The following STAMBP variants were observed in gnomAD, a reference collection of about 807,000 sequenced individuals.
The protein encoded by STAMBP is STAM binding protein.
Under a neutral mutation model 50.7 loss-of-function variants are expected in STAMBP, and 31 were observed. The observed-to-expected ratio is 0.61, with a 90% confidence interval of 0.46 to 0.83. STAMBP has a LOEUF of 0.83. STAMBP is among the 40% of genes least tolerant of loss of function. The probability of loss-of-function intolerance (pLI) is 0.00; values close to 1 mark genes in which losing one functional copy is unlikely to be tolerated. For missense variants in STAMBP, 472 were observed against 518.9 expected, an observed-to-expected ratio of 0.91 and a Z score of 0.88; for synonymous variants, 211 against 192.4, an observed-to-expected ratio of 1.10 and a Z score of -0.80.
chr2:73,845,119 G>A, intron 3 of STAMBP, 48 bp from the exon 4 acceptor site: 1 of 1,599,196 alleles, frequency 6.3e-7, no homozygotes, highest in Non-Finnish European at 8.5e-7. Context: ...TTTGGATTCT[G>A]TAATTTTCTG....
At chr2:73,845,055 T>G (rs1573312415) in intron 3 of STAMBP, 112 bp from the exon 4 acceptor site, 2 of 1,544,068 alleles carry the variant, frequency 1.3e-6, no homozygotes, top group East Asian at 2.3e-5. Context: ...CAGTAGGGGG[T>G]ATTTTAAATC....
At chr2:73,843,188 TTTC>T (rs1675627195) in intron 2 of STAMBP, among the ~76,000 whole-genome samples, 1 of 123,348 alleles carries the variant, frequency 8.1e-6, no homozygotes, top group African/African-American at 4.2e-5. Flanking sequence ...GTTTTATATC[TTTC>T]TTTTTTTTTT....
chr2:73,867,976 TA>T (rs1419546669), downstream of STAMBP, among the ~76,000 whole-genome samples: 1 of 151,764 alleles, frequency 6.6e-6, no homozygotes, highest in East Asian at 1.9e-4. Flanking sequence ...AATACAAAAT[TA>T]GCCGGCTGTG....
intron 9 of STAMBP, among the ~76,000 whole-genome samples, chr2:73,861,620 A>G (rs1678331350): frequency 6.6e-6 from 1 of 151,668 alleles, no homozygotes; most frequent in South Asian, 2.1e-4. Flanking sequence ...CCAGGTTCAA[A>G]CAATTCTGCT....
At chr2:73,857,785 G>A (rs1677746880) in intron 7 of STAMBP, among the ~76,000 whole-genome samples, 1 of 152,046 alleles carries the variant, frequency 6.6e-6, no homozygotes, top group Admixed American at 6.6e-5. Context: ...AACTGAAGTG[G>A]AATCTCCCCC....
At chr2:73,869,283 A>G (rs1383727291), downstream of STAMBP, among the ~76,000 whole-genome samples, 2 of 152,266 alleles carry the variant, frequency 1.3e-5, no homozygotes, top group Admixed American at 6.5e-5. Flanking sequence ...GCACATAGCA[A>G]CTAAAAATAT....
chr2:73,852,901 T>G (rs2104581640), intron 7 of STAMBP, among the ~76,000 whole-genome samples: 1 of 140,704 alleles, frequency 7.1e-6, no homozygotes, highest in East Asian at 2.2e-4. Context: ...TAGACTGGGT[T>G]TCACTATGTT....
chr2:73,870,109 AT>A (rs1679143433), downstream of STAMBP: 1 of 152,206 alleles, frequency 6.6e-6, no homozygotes, highest in African/African-American at 2.4e-5. Context: ...TGCTTTTATA[AT>A]TGGACAAAAA....
intron 2 of STAMBP, among the ~76,000 whole-genome samples, chr2:73,840,789 A>T (rs1675297904): frequency 6.6e-6 from 1 of 151,974 alleles, no homozygotes; most frequent in Non-Finnish European, 1.5e-5. Flanking sequence ...AATAGTACAA[A>T]TTAAAAATAA....
intron 9 of STAMBP, 86 bp from the exon 10 acceptor site, chr2:73,862,117 A>G (rs1288114632): frequency 2.9e-5 from 35 of 1,212,398 alleles, no homozygotes; most frequent in African/African-American, 6.3e-5. Context: ...AGCCTGGGCA[A>G]CAGAGCAAGA....
intron 5 of STAMBP, among the ~76,000 whole-genome samples, chr2:73,848,688 T>G (rs1021856368): frequency 6.6e-6 from 1 of 152,186 alleles, no homozygotes; most frequent in African/African-American, 2.4e-5. Flanking sequence ...CAAACAAAGA[T>G]CCCTCATAGC....
chr2:73,859,923 AC>A, intron 8 of STAMBP, 128 bp from the exon 9 acceptor site: 1 of 633,128 alleles, frequency 1.6e-6, no homozygotes, highest in Admixed American at 2.6e-5. Flanking sequence ...GCAGCATCCT[AC>A]AGAAGCTGTC....
At chr2:73,869,566 GAAAA>G (rs1292730392), downstream of STAMBP, among the ~76,000 whole-genome samples, 1 of 151,874 alleles carries the variant, frequency 6.6e-6, no homozygotes, top group Non-Finnish European at 1.5e-5. Context: ...AAAATTGAAA[GAAAA>G]AAAGAATTTT....
At chr2:73,843,136 A>G (rs183188776) in intron 2 of STAMBP, among the ~76,000 whole-genome samples, 32 of 151,662 alleles carry the variant, frequency 2.1e-4, no homozygotes, top group African/African-American at 7.7e-4. Context: ...GGTTTGAACA[A>G]ATGAATCTGT....
chr2:73,830,303 T>A (rs937834126), intron 1 of STAMBP, among the ~76,000 whole-genome samples: 3 of 152,176 alleles, frequency 2.0e-5, no homozygotes, highest in Non-Finnish European at 4.4e-5. Flanking sequence ...CCAGACCAGT[T>A]CCCCTAACTC....
chr2:73,860,085 A>C lies in STAMBP; in HGVS notation c.1152A>C (p.Leu384=). 1 of 1,612,486 alleles carries C rather than the reference A, an allele frequency of 6.2e-7. No homozygotes were observed. Among genetic ancestry groups the C allele is most frequent in the Non-Finnish European group, 8.5e-7 (1 of 1,179,956 alleles). The change falls in exon 9 of 10, where the codon CTA becomes CTC. Residue 384 remains leucine, a synonymous_variant. Coordinates refer to ENST00000394070, the MANE Select transcript of STAMBP (RefSeq NM_213622.4). ...TCTTTAAACTAACTGACCATGGACTAGAGGAGATTTCTTCCTGTCGCCAGA... is the reference window on the plus strand; with the variant it reads ...TCTTTAAACTAACTGACCATGGACTCGAGGAGATTTCTTCCTGTCGCCAGA... ...TGFFKLTDHG[L]EEISSCRQKG...
intron 2 of STAMBP, among the ~76,000 whole-genome samples, chr2:73,843,406 G>GTATGTATATATATATATATA (rs1553380270): frequency 1.5e-5 from 2 of 129,962 alleles, no homozygotes; most frequent in African/African-American, 6.7e-5. Context: ...GTTTGTGTAT[G>GTATGTATATATATATATATA]TATATATATA....
At chr2:73,854,110 A>G (rs1677229232) in intron 7 of STAMBP, among the ~76,000 whole-genome samples, 1 of 152,246 alleles carries the variant, frequency 6.6e-6, no homozygotes, top group African/African-American at 2.4e-5. Flanking sequence ...GAAGGATCGA[A>G]TGAGAAGTAC....
intron 9 of STAMBP, among the ~76,000 whole-genome samples, chr2:73,861,817 G>A (rs1330591912): frequency 2.0e-5 from 3 of 147,284 alleles, no homozygotes; most frequent in East Asian, 2.2e-4. Flanking sequence ...GTGAGCCACC[G>A]CACCCAGCCA....
Sources: allele counts gnomAD v4.1 joint callset (sites outside exome capture counted in the v4.1 genomes callset), GRCh38; gene constraint gnomAD v4.1.1; transcripts MANE v1.5; gene names NCBI Gene and HGNC (gene_info 2026-07-23, HGNC 2026-07-21).